GPR176: variants seen among roughly 807,000 people sequenced by gnomAD.
The protein encoded by GPR176 is G-protein coupled receptor 176.
In GPR176, 26 loss-of-function variants were observed where a neutral mutation model predicts 35.4. That is an observed-to-expected ratio of 0.74 (90% CI 0.54 to 1.02). GPR176 has a LOEUF of 1.02. Ranked by LOEUF, GPR176 falls within the 50% of genes least tolerant of loss-of-function variation. The pLI is 0.00. For synonymous variants in GPR176, 278 were observed against 271.3 expected, an observed-to-expected ratio of 1.02 and a Z score of -0.24; for missense variants, 597 against 665.3, an observed-to-expected ratio of 0.90 and a Z score of 1.13.
intron 1 of GPR176, among the ~76,000 whole-genome samples, chr15:39,879,360 C>T (rs889440503): frequency 3.9e-5 from 6 of 152,190 alleles, no homozygotes; most frequent in Non-Finnish European, 5.9e-5. Context: ...AGGAGCCACA[C>T]AGCCTTGACT....
chr15:39,802,792 G>C (rs66610915), intron 2 of GPR176, among the ~76,000 whole-genome samples: 13,216 of 152,172 alleles, frequency 0.087, 787 homozygotes, highest in East Asian at 0.16. Flanking sequence ...GTTGTTCAGG[G>C]CAGAAGAACC....
chr15:39,801,590 G>C lies in GPR176; in HGVS notation c.1090C>G (p.Arg364Gly), dbSNP rs777356131. 6.2e-7 allele frequency: 1 copy of C among 1,613,582 alleles called. No individual in the cohort carries two copies. Among genetic ancestry groups the C allele is most frequent in the Non-Finnish European group, 8.5e-7 (1 of 1,179,472 alleles). Residue 364 changes from arginine to glycine, a missense_variant, in exon 3 of 3, where the codon CGC becomes GGC. Transcript: ENST00000561100. ...ATCTCCAGGAGCTGGCTACCCGAGCGTATGCTGGGTTCCAGGCTGGCCTCA... is the reference window on the plus strand; with the variant it reads ...ATCTCCAGGAGCTGGCTACCCGAGCCTATGCTGGGTTCCAGGCTGGCCTCA... Reference protein sequence around the residue: ...MAEASLEPSIRSGSQLLEMFH... With the variant: ...MAEASLEPSIGSGSQLLEMFH...
chr15:39,908,623 G>C (rs1222798854), intron 1 of GPR176, among the ~76,000 whole-genome samples: 1 of 151,194 alleles, frequency 6.6e-6, no homozygotes, highest in Non-Finnish European at 1.5e-5. Flanking sequence ...AGGCCCTCCA[G>C]GGATACAAAC....
chr15:39,838,939 A>T lies in GPR176; in HGVS notation c.173-31681T>A, dbSNP rs554658234. ...GATTGTATATTTAGAAAACCCCAACATCTCAGCCCAAAATCTCCTTAAGCT... is the reference window on the plus strand; with the variant it reads ...GATTGTATATTTAGAAAACCCCAACTTCTCAGCCCAAAATCTCCTTAAGCT... On this transcript the variant is annotated intron_variant, in intron 1 of 2. Transcript: ENST00000561100. Among the ~76,000 whole-genome samples the T allele has an allele frequency of 5.9e-4, 90 of 152,256 alleles. No individual in the cohort carries two copies. In the South Asian group the frequency reaches 0.018, roughly 31 times the overall value.
rs1209013525 is a variant in GPR176 at position 39,890,677 on chromosome 15, CAA to C, written c.172+29176_172+29177del. On this transcript the variant is annotated intron_variant, in intron 1 of 2. Coordinates refer to ENST00000561100, the MANE Select transcript of GPR176 (RefSeq NM_007223.3). ...TCTAGCTACAAATACCACACACACA[CAA>C]GTGTTCAATATCACCCAGACAAAGG... Among the ~76,000 whole-genome samples, 4 of 152,312 alleles carry C rather than the reference CAA, an allele frequency of 2.6e-5. No homozygotes were observed. In the East Asian group the frequency reaches 5.8e-4, roughly 22 times the overall value.
At chr15:39,853,244 G>T (rs925269975) in intron 1 of GPR176, among the ~76,000 whole-genome samples, 3 of 152,130 alleles carry the variant, frequency 2.0e-5, no homozygotes, top group African/African-American at 7.2e-5. Flanking sequence ...CTTAAGAAAA[G>T]AAATTCTGAC....
At chr15:39,825,230 T>C (rs1362733641) in intron 1 of GPR176, among the ~76,000 whole-genome samples, 1 of 151,988 alleles carries the variant, frequency 6.6e-6, no homozygotes, top group Non-Finnish European at 1.5e-5. Context: ...TAGAGAAGTA[T>C]AGGAAGAAAG....
intron 1 of GPR176, among the ~76,000 whole-genome samples, chr15:39,846,102 G>A (rs770691708): frequency 5.9e-5 from 9 of 152,156 alleles, no homozygotes; most frequent in Non-Finnish European, 8.8e-5. Flanking sequence ...TTCTACATCT[G>A]TGAAAATGGA....
chr15:39,892,444 T>C (rs986996827), intron 1 of GPR176, among the ~76,000 whole-genome samples: 1 of 152,230 alleles, frequency 6.6e-6, no homozygotes, highest in African/African-American at 2.4e-5. Context: ...TGTTTGCCAC[T>C]GTAAAGAGTT....
intron 1 of GPR176, among the ~76,000 whole-genome samples, chr15:39,812,100 T>C (rs1009832392): frequency 1.1e-4 from 16 of 152,234 alleles, no homozygotes; most frequent in African/African-American, 3.9e-4. Context: ...TGAATTATAA[T>C]CTACATTCAA....
intron 1 of GPR176, among the ~76,000 whole-genome samples, chr15:39,887,715 C>A (rs1432364429): frequency 2.6e-5 from 4 of 152,086 alleles, no homozygotes; most frequent in African/African-American, 9.7e-5. Context: ...ATCATACCAC[C>A]TATTAGTAAG....
intron 1 of GPR176, among the ~76,000 whole-genome samples, chr15:39,883,032 G>A (rs2032537497): frequency 1.3e-5 from 2 of 152,180 alleles, no homozygotes; most frequent in Admixed American, 1.3e-4. Context: ...GAGCTTCTTT[G>A]AGAAGACTGA....
In GPR176 at chr15:39,801,255, CA is replaced by C; in HGVS notation, c.1424del (p.Leu475ArgfsTer12). ...CTGGGGTGTTGCCCAAGGGGGGAAG[CA>C]GCCGCTTCTTGCTGTTTCGGGTCTC... ...LSETRNSKKR[L>X]LPPLGNTPEE... On this transcript the variant is annotated frameshift_variant, in exon 3 of 3. Coordinates refer to ENST00000561100, the MANE Select transcript of GPR176 (RefSeq NM_007223.3). LOFTEE classifies it high-confidence loss of function. The C allele has an allele frequency of 6.2e-7, 1 of 1,614,204 alleles. No individual in the cohort carries two copies. The highest frequency in any genetic ancestry group is 8.5e-7 in the Non-Finnish European group (1 of 1,180,014).
chr15:39,825,964 A>G (rs370701823), intron 1 of GPR176, among the ~76,000 whole-genome samples: 29 of 152,312 alleles, frequency 1.9e-4, no homozygotes, highest in East Asian at 1.7e-3. Flanking sequence ...TGAGTCCACC[A>G]TAAGTGCAGC....
At chr15:39,875,347 C>T (rs1030003482) in intron 1 of GPR176, among the ~76,000 whole-genome samples, 2 of 152,110 alleles carry the variant, frequency 1.3e-5, no homozygotes, top group Non-Finnish European at 2.9e-5. Flanking sequence ...TCTATTGTTT[C>T]TTTGACTACA....
chr15:39,851,452 C>G (rs2030859115), intron 1 of GPR176, among the ~76,000 whole-genome samples: 1 of 152,026 alleles, frequency 6.6e-6, no homozygotes, highest in African/African-American at 2.4e-5. Flanking sequence ...ATATTTTTTT[C>G]CACTCAAACT....
intron 1 of GPR176, among the ~76,000 whole-genome samples, chr15:39,900,639 C>T (rs2033250381): frequency 6.6e-6 from 1 of 152,146 alleles, no homozygotes; most frequent in Non-Finnish European, 1.5e-5. Flanking sequence ...TCTGATCACC[C>T]ACTTGCCCCC....
intron 1 of GPR176, among the ~76,000 whole-genome samples, chr15:39,856,533 G>C (rs1404715093): frequency 2.0e-5 from 3 of 152,190 alleles, no homozygotes; most frequent in African/African-American, 7.2e-5. Context: ...TAACGGGCTG[G>C]AGGATGCTCT....
At chr15:39,903,090 A>G (rs2033323942) in intron 1 of GPR176, among the ~76,000 whole-genome samples, 1 of 152,190 alleles carries the variant, frequency 6.6e-6, no homozygotes, top group Non-Finnish European at 1.5e-5. Flanking sequence ...ATTTTCTCCA[A>G]CTGTTGGCTA....
Sources: allele counts gnomAD v4.1 joint callset (sites outside exome capture counted in the v4.1 genomes callset), GRCh38; gene constraint gnomAD v4.1.1; transcripts MANE v1.5; gene names NCBI Gene and HGNC (gene_info 2026-07-23, HGNC 2026-07-21).